TG: variants seen among roughly 807,000 people sequenced by gnomAD.
The protein encoded by TG is thyroid hormones.
In TG, 270 loss-of-function variants were observed where a neutral mutation model predicts 324.7. The ratio of observed to expected loss-of-function variants is 0.83; its 90% confidence interval spans 0.75 to 0.92. The LOEUF is 0.92. Ranked by LOEUF, TG falls within the 40% of genes least tolerant of loss-of-function variation. The pLI is 0.00. For missense variants in TG, 3,591 were observed against 3,456.4 expected, an observed-to-expected ratio of 1.04 and a Z score of -0.98; for synonymous variants, 1,401 against 1,327.0, an observed-to-expected ratio of 1.06 and a Z score of -1.21.
chr8:132,944,826 G>C (rs912398800), intron 26 of TG, among the ~76,000 whole-genome samples: 1 of 152,184 alleles, frequency 6.6e-6, no homozygotes, highest in Non-Finnish European at 1.5e-5. Context: ...CCGAAATCTT[G>C]AATCATGTGT....
intron 35 of TG, among the ~76,000 whole-genome samples, chr8:132,997,092 A>G (rs961676993): frequency 1.3e-5 from 2 of 152,230 alleles, no homozygotes; most frequent in Non-Finnish European, 2.9e-5. Flanking sequence ...TCTGAAATTT[A>G]TATTTAAAAT....
chr8:133,052,455 C>T (rs1473106860), intron 41 of TG, among the ~76,000 whole-genome samples: 1 of 152,132 alleles, frequency 6.6e-6, no homozygotes, highest in Non-Finnish European at 1.5e-5. Flanking sequence ...GAGAAACAGT[C>T]GTGTCGGGAC....
intron 35 of TG, chr8:132,994,639 T>G (rs1316020220): frequency 2.4e-5 from 30 of 1,271,400 alleles, no homozygotes; most frequent in Non-Finnish European, 3.1e-5. Context: ...TCTCCCTTGT[T>G]GAGTGTGCTG....
intron 22 of TG, among the ~76,000 whole-genome samples, chr8:132,925,390 C>CGG (rs1406190644): frequency 1.3e-5 from 2 of 152,158 alleles, no homozygotes; most frequent in Non-Finnish European, 2.9e-5. Context: ...ACCTGTCCTC[C>CGG]AGGGAAGCTG....
intron 45 of TG, among the ~76,000 whole-genome samples, chr8:133,129,078 C>T (rs995728322): frequency 2.0e-5 from 3 of 152,212 alleles, no homozygotes; most frequent in Non-Finnish European, 4.4e-5. Flanking sequence ...CCAGATTCAC[C>T]GAGGACTTGG....
intron 45 of TG, among the ~76,000 whole-genome samples, chr8:133,122,344 G>A (rs1427480463): frequency 6.6e-6 from 1 of 152,154 alleles, no homozygotes; most frequent in Non-Finnish European, 1.5e-5. Flanking sequence ...CAGATTCAAA[G>A]AATCATAGAA....
chr8:132,868,407 C>T lies in TG; in HGVS notation c.176+184C>T, dbSNP rs531504225. On this transcript the variant is annotated intron_variant, in intron 2 of 47. Coordinates refer to ENST00000220616, the MANE Select transcript of TG (RefSeq NM_003235.5). ...ATTTGGAGGTGCCTGCCTTTCAGTTCCCCAAGCTGTTCAACACTGGACAAT... is the reference window on the plus strand; with the variant it reads ...ATTTGGAGGTGCCTGCCTTTCAGTTTCCCAAGCTGTTCAACACTGGACAAT... 3.9e-5 allele frequency among the ~76,000 whole-genome samples: 6 copies of T among 152,316 alleles called. No homozygotes were observed. The Middle Eastern group carries it at 0.014, about 345-fold the overall frequency.
chr8:132,923,550 G>A (rs1470680992), intron 22 of TG, 42 bp downstream of exon 22: 2 of 1,598,264 alleles, frequency 1.3e-6, no homozygotes, highest in Non-Finnish European at 1.7e-6. Flanking sequence ...CCTGGGGACT[G>A]GGGAGTAGTC....
chr8:132,931,245 C>T (rs1191536059), intron 23 of TG, among the ~76,000 whole-genome samples: 2 of 152,186 alleles, frequency 1.3e-5, no homozygotes, highest in Non-Finnish European at 2.9e-5. Flanking sequence ...CCTTAGGGCC[C>T]ACCCTAATGA....
chr8:133,038,564 T>G, intron 41 of TG: 1 of 1,614,058 alleles, frequency 6.2e-7, no homozygotes, highest in Non-Finnish European at 8.5e-7. Context: ...GAATGAGCTC[T>G]TTCTCTTGCT....
intron 41 of TG, among the ~76,000 whole-genome samples, chr8:133,031,194 C>G (rs1195442432): frequency 6.6e-6 from 1 of 152,138 alleles, no homozygotes; most frequent in Non-Finnish European, 1.5e-5. Flanking sequence ...TTGTAGGTGC[C>G]TCATATTAGT....
chr8:133,048,769 T>C, intron 41 of TG: 1 of 161,440 alleles, frequency 6.2e-6, no homozygotes, highest in Non-Finnish European at 1.4e-5. Flanking sequence ...CCACGGCAGC[T>C]CCTGCTTCAG....
chr8:132,989,319 G>T (rs1430649867), intron 35 of TG, among the ~76,000 whole-genome samples: 1 of 152,176 alleles, frequency 6.6e-6, no homozygotes, highest in Non-Finnish European at 1.5e-5. Context: ...GGTAAACACA[G>T]AATATTTAGG....
At chr8:132,994,911 G>A (rs753375443) in intron 35 of TG, 163 of 1,162,712 alleles carry the variant, frequency 1.4e-4, no homozygotes, top group Non-Finnish European at 1.3e-4. Flanking sequence ...TGTCACTGGA[G>A]TATTCAAATA....
Position 132,983,354 on chromosome 8 carries a change from TC to T in TG, c.6205del (p.Gln2069LysfsTer84). The T allele has an allele frequency of 6.2e-7, 1 of 1,614,156 alleles. No individual in the cohort carries two copies. The highest frequency in any genetic ancestry group is 8.5e-7 in the Non-Finnish European group (1 of 1,180,004). On this transcript the variant is annotated frameshift_variant, in exon 35 of 48. Coordinates refer to ENST00000220616, the MANE Select transcript of TG (RefSeq NM_003235.5). LOFTEE classifies it high-confidence loss of function. ...PFGWYQKPIAQNNAPSFCPLV... is the reference protein window; with the variant it reads ...PFGWYQKPIAXNNAPSFCPLV... ...AGACTGCTTTTTCCTTTTCAGTTGC[TC>T]AAAATAATGCTCCCAGTTTTTGCCC...
intron 41 of TG, among the ~76,000 whole-genome samples, chr8:133,059,367 T>C (rs1842035974): frequency 6.6e-6 from 1 of 152,224 alleles, no homozygotes; most frequent in South Asian, 2.1e-4. Context: ...GGGGCCAGCA[T>C]AGCTGAGTCC....
chr8:133,104,720 A>G (rs1457175985), intron 43 of TG, among the ~76,000 whole-genome samples: 1 of 152,192 alleles, frequency 6.6e-6, no homozygotes, highest in Non-Finnish European at 1.5e-5. Flanking sequence ...GATGAGGGCC[A>G]TTTCAGTGGA....
In TG at chr8:132,923,510, T is replaced by C. The variant is rs1403953157; in HGVS notation, c.4699+2T>C. On this transcript the variant is annotated splice_donor_variant, in intron 22 of 47. Coordinates refer to ENST00000220616, the MANE Select transcript of TG (RefSeq NM_003235.5). LOFTEE classifies it high-confidence loss of function. ...CTCTTGAGGACTCACAGTGTTTGAG[T>C]AGGTGCTGGGGGTGAAATCAGTCAT... 1 of 1,612,928 alleles carries C rather than the reference T, an allele frequency of 6.2e-7. No homozygotes were observed. Among genetic ancestry groups the C allele is most frequent in the African/African-American group, 1.3e-5 (1 of 74,824 alleles).
At chr8:132,883,935 T>C (rs1283976988) in intron 8 of TG, among the ~76,000 whole-genome samples, 1 of 152,202 alleles carries the variant, frequency 6.6e-6, no homozygotes, top group East Asian at 1.9e-4. Context: ...GTGCTCCCTC[T>C]GAAAGCTCTA....
Sources: gnomAD v4.1 joint callset for allele counts (sites outside exome capture counted in the v4.1 genomes callset) on GRCh38, gnomAD v4.1.1 for gene constraint, MANE v1.5 for transcripts, NCBI Gene and HGNC (gene_info 2026-07-23, HGNC 2026-07-21) for gene names.